MESD: variants seen among roughly 807,000 people sequenced by gnomAD.
MESD encodes the protein LRP chaperone MESD.
Under a neutral mutation model 12.9 loss-of-function variants are expected in MESD, and 7 were observed. The observed-to-expected ratio is 0.54, with a 90% CI of 0.31 to 1.02. The LOEUF (loss-of-function observed/expected upper bound fraction) is 1.02. Among genes scored for constraint, MESD ranks in the 50% least tolerant of loss-of-function variants. MESD has a pLI of 0.05. For missense variants in MESD, 342 were observed against 296.7 expected, an observed-to-expected ratio of 1.15 and a Z score of -1.12; for synonymous variants, 126 against 115.6, an observed-to-expected ratio of 1.09 and a Z score of -0.58.
At chr15:80,954,240 A>G (rs1901916384) in intron 3 of MESD, among the ~76,000 whole-genome samples, 1 of 152,112 alleles carries the variant, frequency 6.6e-6, no homozygotes, top group East Asian at 1.9e-4. Context: ...CCAGGCTAAC[A>G]TTCACCCCTT....
chr15:80,967,783 T>A (rs1902203312), intron 3 of MESD, among the ~76,000 whole-genome samples: 1 of 152,224 alleles, frequency 6.6e-6, no homozygotes, highest in African/African-American at 2.4e-5. Flanking sequence ...CTCAGAAACT[T>A]CGGCAGACTT....
intron 3 of MESD, among the ~76,000 whole-genome samples, chr15:80,964,531 A>C (rs1596227693): frequency 6.6e-6 from 1 of 152,336 alleles, no homozygotes; most frequent in East Asian, 1.9e-4. Flanking sequence ...AAAAAGAACA[A>C]AGCTGGAGGC....
exon 5 of MESD, chr15:80,947,374 T>C: frequency 5.3e-6 from 2 of 374,182 alleles, no homozygotes; most frequent in East Asian, 5.9e-5. Flanking sequence ...ATAAGAAAAG[T>C]GGCTTAGTCT....
At position 80,976,511 on chromosome 15, in the gene MESD, G is replaced by A. The variant is rs62035115; in HGVS notation, c.*2708C>T. The A allele has an allele frequency of 0.22, 33,606 of 152,226 alleles. 4,732 individuals carry two copies. The highest frequency in any genetic ancestry group is 0.32 in the Non-Finnish European group (21,574 of 68,048). 9.4% of individuals were successfully genotyped at this position (152,226 alleles called of 1,614,324 possible). On this transcript the variant is annotated 3_prime_UTR_variant, in exon 3 of 3. Transcript: ENST00000261758. ...CCTCTCTCTACGTGAAACACTGTAC[G>A]CAGCCTCTCCAGTATGGTGGCTTCA... is the stretch of plus-strand genomic sequence containing the variant.
At chr15:80,979,570 A>T in intron 2 of MESD, 93 bp from the exon 3 acceptor site, 1 of 1,402,222 alleles carries the variant, frequency 7.1e-7, no homozygotes, top group Non-Finnish European at 9.6e-7. Context: ...GTTTATTTCA[A>T]ATTCTACATG....
At chr15:80,971,786 G>A (rs1902294146), downstream of MESD, among the ~76,000 whole-genome samples, 2 of 151,818 alleles carry the variant, frequency 1.3e-5, no homozygotes, top group African/African-American at 4.8e-5. Flanking sequence ...CAGGGACACA[G>A]GAAAAAGTAG....
intron 3 of MESD, among the ~76,000 whole-genome samples, chr15:80,969,900 G>A (rs569381040): frequency 2.0e-5 from 3 of 152,186 alleles, no homozygotes; most frequent in Non-Finnish European, 4.4e-5. Flanking sequence ...GCCTTGCAGC[G>A]TGACCTTGGG....
downstream of MESD, among the ~76,000 whole-genome samples, chr15:80,975,189 T>C (rs1466322583): frequency 7.3e-6 from 1 of 137,894 alleles, no homozygotes; most frequent in African/African-American, 2.7e-5. Flanking sequence ...GGCAACATGG[T>C]GAGACACCTC....
At chr15:80,973,754 T>C (rs1299537897), downstream of MESD, among the ~76,000 whole-genome samples, 3 of 151,454 alleles carry the variant, frequency 2.0e-5, no homozygotes, top group Non-Finnish European at 2.9e-5. Flanking sequence ...TTATTCATCA[T>C]GGTTTTTGTT....
At chr15:80,964,295 C>A (rs527818231) in intron 3 of MESD, among the ~76,000 whole-genome samples, 52 of 152,226 alleles carry the variant, frequency 3.4e-4, no homozygotes, top group African/African-American at 1.1e-3. Flanking sequence ...TCAAGGAGAA[C>A]TACAAACCAC....
chr15:80,972,536 T>C (rs1254370471), downstream of MESD, among the ~76,000 whole-genome samples: 1 of 152,198 alleles, frequency 6.6e-6, no homozygotes, highest in Non-Finnish European at 1.5e-5. Context: ...TAGAAGTACA[T>C]GCTCCTAGAA....
chr15:80,958,209 C>T (rs1902023131), intron 3 of MESD, among the ~76,000 whole-genome samples: 1 of 152,160 alleles, frequency 6.6e-6, no homozygotes. Context: ...CCTACACACA[C>T]CTTAAGTAAA....
intron 1 of MESD, among the ~76,000 whole-genome samples, chr15:80,983,950 G>C (rs959308907): frequency 7.2e-6 from 1 of 138,052 alleles, no homozygotes; most frequent in South Asian, 2.3e-4. Flanking sequence ...CACCAGGCTG[G>C]AGTGCAGTGG....
At chr15:80,946,953 C>T (rs747818061), downstream of MESD, 15 of 1,593,850 alleles carry the variant, frequency 9.4e-6, no homozygotes, top group Non-Finnish European at 1.1e-5. Flanking sequence ...TAATTGGTTT[C>T]TTCTCACACA....
rs534779637 is a variant in MESD, at chr15:80,968,281, G to A, written c.*288+10650C>T. Among the ~76,000 whole-genome samples, 4 of 152,318 alleles carry A rather than the reference G, an allele frequency of 2.6e-5. No homozygotes were observed. The East Asian group carries it at 7.7e-4, about 29-fold the overall frequency. ...GGCATACCCTACACTGGGCAAGGTGGCCATTCTCCTTCTGGAGCAATCTCT... is the reference window on the plus strand; with the variant it reads ...GGCATACCCTACACTGGGCAAGGTGACCATTCTCCTTCTGGAGCAATCTCT... On this transcript the variant is annotated intron_variant, in intron 3 of 4. Coordinates refer to the MESD transcript ENST00000561312.
At chr15:80,957,007 T>C (rs540305722) in intron 3 of MESD, among the ~76,000 whole-genome samples, 1 of 152,032 alleles carries the variant, frequency 6.6e-6, no homozygotes, top group South Asian at 2.1e-4. Context: ...TATTTTTTTG[T>C]AGAGATGGGG....
intron 4 of MESD, chr15:80,951,160 C>G (rs750296067): frequency 1.3e-5 from 2 of 152,662 alleles, no homozygotes; most frequent in Non-Finnish European, 2.9e-5. Context: ...AGTTTTCACT[C>G]TTCTAATGCA....
Position 80,979,471 on chromosome 15 carries a change from A to G in MESD, c.453T>C (p.Ile151=). The G allele has an allele frequency of 1.2e-6, 2 of 1,613,884 alleles. No individual in the cohort carries two copies. The highest frequency in any genetic ancestry group is 1.7e-6 in the Non-Finnish European group (2 of 1,179,774). ...FNANYDVQRF[I]VGSDRAIFML... ...TGAAGATAGCACGGTCTGATCCCAC[A>G]ATGAACCTTGGGCAGAGAGATGCAA... Residue 151 remains isoleucine, a synonymous_variant, in exon 3 of 3, where the codon ATT becomes ATC. Transcript: ENST00000261758.
rs1046345575 is a variant in MESD, at chr15:80,976,210, C to A, written c.*3009G>T. 6.6e-6 allele frequency: 1 copy of A among 152,442 alleles called. No homozygotes were observed. Among genetic ancestry groups the A allele is most frequent in the Non-Finnish European group, 1.5e-5 (1 of 68,262 alleles). 9.4% of individuals were successfully genotyped at this position (152,442 alleles called of 1,614,324 possible). On this transcript the variant is annotated 3_prime_UTR_variant, in exon 3 of 3. Transcript: ENST00000261758. ...TTCACCATGTTGGCCAGGCTGGTCT[C>A]AAACTCCTGACCTCAACTGATCCAC...
Sources: allele counts gnomAD v4.1 joint callset (sites outside exome capture counted in the v4.1 genomes callset), GRCh38; gene constraint gnomAD v4.1.1; transcripts MANE v1.5; gene names NCBI Gene and HGNC (gene_info 2026-07-23, HGNC 2026-07-21).